Variants in GALNT17 observed in about 807,000 individuals in gnomAD.
The protein encoded by GALNT17 is UDP-GalNAc:polypeptide N-acetylgalactosaminyltransferase-like 3.
Under a neutral mutation model 63.7 loss-of-function variants are expected in GALNT17, and 29 were observed. The observed-to-expected ratio is 0.46, with a 90% confidence interval of 0.34 to 0.62. The LOEUF (loss-of-function observed/expected upper bound fraction) is 0.62. Among genes scored for constraint, GALNT17 ranks in the 20% least tolerant of loss-of-function variants. The probability of loss-of-function intolerance (pLI) is 0.01; values close to 1 mark genes in which losing one functional copy is unlikely to be tolerated. For missense variants in GALNT17, 603 were observed against 799.6 expected (o/e 0.75, Z 2.97); for synonymous variants, 305 against 318.3 (o/e 0.96, Z 0.45).
chr7:71,445,070 T>G (rs1231992632), intron 5 of GALNT17, among the ~76,000 whole-genome samples: 1 of 151,448 alleles, frequency 6.6e-6, no homozygotes, highest in Non-Finnish European at 1.5e-5. Context: ...AGAGGAGGGG[T>G]CTCAGTGGTG....
intron 1 of GALNT17, among the ~76,000 whole-genome samples, chr7:71,178,967 T>A (rs1001728991): frequency 4.6e-5 from 7 of 152,218 alleles, no homozygotes; most frequent in Admixed American, 6.5e-5. Context: ...TAAGTATATG[T>A]TGTGGAGACT....
intron 1 of GALNT17, among the ~76,000 whole-genome samples, chr7:71,206,180 T>C (rs1789268396): frequency 6.7e-6 from 1 of 149,762 alleles, no homozygotes; most frequent in African/African-American, 2.4e-5. Flanking sequence ...TATTTATATA[T>C]AAACACACAC....
chr7:71,237,511 G>GAAAAAAAAA (rs369921098), intron 1 of GALNT17, among the ~76,000 whole-genome samples: 4 of 78,100 alleles, frequency 5.1e-5, no homozygotes, highest in Non-Finnish European at 1.1e-4. Context: ...TCCCATCTCT[G>GAAAAAAAAA]AAAAAAAAAA....
At chr7:71,317,873 T>C (rs1791528794) in intron 1 of GALNT17, among the ~76,000 whole-genome samples, 1 of 152,178 alleles carries the variant, frequency 6.6e-6, no homozygotes, top group South Asian at 2.1e-4. Context: ...TCCTTTCTTT[T>C]TTCTGGTTTC....
chr7:71,523,436 A>G (rs1788562545), intron 5 of GALNT17, among the ~76,000 whole-genome samples: 1 of 152,046 alleles, frequency 6.6e-6, no homozygotes, highest in Admixed American at 6.6e-5. Flanking sequence ...CTCAAAAAAG[A>G]GAAAAGAACA....
intron 1 of GALNT17, among the ~76,000 whole-genome samples, chr7:71,279,087 A>G (rs1264535255): frequency 3.3e-5 from 5 of 151,736 alleles, no homozygotes. Context: ...CACCACGTCC[A>G]GCTAATTTTT....
chr7:71,671,754 C>T (rs992196176), intron 8 of GALNT17, among the ~76,000 whole-genome samples: 4 of 152,088 alleles, frequency 2.6e-5, no homozygotes, highest in East Asian at 3.9e-4. Flanking sequence ...GGCCAAGCAC[C>T]GTGGCTCACG....
chr7:71,256,628 C>T (rs1043493803), intron 1 of GALNT17, among the ~76,000 whole-genome samples: 2 of 152,200 alleles, frequency 1.3e-5, no homozygotes, highest in African/African-American at 2.4e-5. Flanking sequence ...TCTGGACTGA[C>T]CACCTTGCGC....
At chr7:71,188,958 T>C (rs896114067) in intron 1 of GALNT17, among the ~76,000 whole-genome samples, 14 of 152,260 alleles carry the variant, frequency 9.2e-5, no homozygotes, top group Non-Finnish European at 1.2e-4. Flanking sequence ...TGATTGCTGC[T>C]CTACAGTTCT....
At chr7:71,166,115 A>G (rs573336044) in intron 1 of GALNT17, among the ~76,000 whole-genome samples, 18 of 152,160 alleles carry the variant, frequency 1.2e-4, no homozygotes, top group South Asian at 8.3e-4. Flanking sequence ...TTCAAATGCA[A>G]TGTGCACATC....
intron 6 of GALNT17, among the ~76,000 whole-genome samples, chr7:71,610,363 T>C (rs1239136209): frequency 1.3e-5 from 2 of 152,032 alleles, no homozygotes; most frequent in African/African-American, 4.8e-5. Flanking sequence ...ACATCTGTAG[T>C]CTCAGGACTA....
intron 6 of GALNT17, among the ~76,000 whole-genome samples, chr7:71,633,601 T>C (rs576522347): frequency 4.3e-4 from 66 of 152,314 alleles, no homozygotes; most frequent in Admixed American, 2.0e-3. Flanking sequence ...TCTCTGCTAA[T>C]CTTCATATAA....
chr7:71,595,654 G>C (rs1789873831), intron 6 of GALNT17, among the ~76,000 whole-genome samples: 1 of 126,350 alleles, frequency 7.9e-6, no homozygotes, highest in Non-Finnish European at 1.6e-5. Flanking sequence ...TAGAGAGAGA[G>C]ACTGAGACAC....
intron 1 of GALNT17, among the ~76,000 whole-genome samples, chr7:71,267,224 A>G (rs1790506645): frequency 2.0e-5 from 3 of 152,164 alleles, no homozygotes; most frequent in African/African-American, 7.2e-5. Flanking sequence ...CGAGCTCCCC[A>G]TTGGTATATA....
At chr7:71,363,845 A>G (rs1287784458) in intron 2 of GALNT17, among the ~76,000 whole-genome samples, 4 of 152,222 alleles carry the variant, frequency 2.6e-5, no homozygotes, top group Non-Finnish European at 5.9e-5. Context: ...TTACTTGAGC[A>G]CAGTTTGAAC....
rs769959184 is a variant in GALNT17, at chr7:71,624,476, A to G, written c.1081-40935A>G. Among the ~76,000 whole-genome samples, 75 of 152,112 alleles carry G rather than the reference A, an allele frequency of 4.9e-4. 1 individual carries two copies. The highest frequency in any genetic ancestry group is 3.2e-3 in the Middle Eastern group (1 of 316). ...CAAGGGAAATTAAACCTGGCCTTAT[A>G]CCAATTGCAAGGGGAAAAAAATGAC... On this transcript the variant is annotated intron_variant, in intron 6 of 10. Coordinates refer to ENST00000333538, the MANE Select transcript of GALNT17 (RefSeq NM_022479.3).
At chr7:71,390,462 C>T (rs1008151731) in intron 3 of GALNT17, among the ~76,000 whole-genome samples, 1 of 152,140 alleles carries the variant, frequency 6.6e-6, no homozygotes, top group Non-Finnish European at 1.5e-5. Context: ...AGTTTTATTT[C>T]CTTACCTTTG....
chr7:71,658,887 CAA>C (rs56210915), intron 6 of GALNT17, among the ~76,000 whole-genome samples: 32 of 143,508 alleles, frequency 2.2e-4, no homozygotes, highest in South Asian at 8.9e-4. Flanking sequence ...GACTCTGTCT[CAA>C]AAAAAAAAAA....
chr7:71,474,810 C>T (rs1401077773), intron 5 of GALNT17, among the ~76,000 whole-genome samples: 3 of 152,112 alleles, frequency 2.0e-5, no homozygotes, highest in Admixed American at 6.6e-5. Flanking sequence ...GGCAAAAATA[C>T]GACTTTACAG....
Sources: allele counts gnomAD v4.1 joint callset (sites outside exome capture counted in the v4.1 genomes callset), GRCh38; gene constraint gnomAD v4.1.1; transcripts MANE v1.5; gene names NCBI Gene and HGNC (gene_info 2026-07-23, HGNC 2026-07-21).